Variants in SLC35F4 observed in about 807,000 individuals in gnomAD.
SLC35F4 encodes the protein solute carrier family 35 member F4.
Under a neutral mutation model 44.2 loss-of-function variants are expected in SLC35F4, and 24 were observed. The observed-to-expected ratio is 0.54, with a 90% CI of 0.39 to 0.76. The LOEUF is 0.76. Ranked by LOEUF, SLC35F4 falls within the 30% of genes least tolerant of loss-of-function variation. The pLI is 0.00. For synonymous variants in SLC35F4, 238 were observed against 223.6 expected (o/e 1.06, Z -0.57); for missense variants, 562 against 586.1 (o/e 0.96, Z 0.42).
chr14:57,956,431 T>C (rs1223118157), intron 1 of SLC35F4, among the ~76,000 whole-genome samples: 2 of 152,064 alleles, frequency 1.3e-5, no homozygotes, highest in East Asian at 1.9e-4. Flanking sequence ...AAAGCCAAAA[T>C]TGACAAATGG....
intron 1 of SLC35F4, among the ~76,000 whole-genome samples, chr14:57,682,411 G>C (rs1326843276): frequency 6.6e-6 from 1 of 152,078 alleles, no homozygotes; most frequent in African/African-American, 2.4e-5. Context: ...ACCAAACACT[G>C]CATGTTCTCA....
At chr14:57,687,230 GC>G (rs1275054427) in intron 1 of SLC35F4, among the ~76,000 whole-genome samples, 1 of 152,106 alleles carries the variant, frequency 6.6e-6, no homozygotes, top group Admixed American at 6.6e-5. Context: ...GAAGACTAAG[GC>G]AAGGTTTCAC....
chr14:57,797,696 T>TA (rs1289012441), intron 1 of SLC35F4, among the ~76,000 whole-genome samples: 20 of 152,232 alleles, frequency 1.3e-4, no homozygotes, highest in Middle Eastern at 3.4e-3. Flanking sequence ...AGATGTCTTA[T>TA]AAAAATGGAA....
At chr14:57,722,646 A>C (rs916127611) in intron 1 of SLC35F4, among the ~76,000 whole-genome samples, 4 of 152,214 alleles carry the variant, frequency 2.6e-5, no homozygotes, top group Non-Finnish European at 4.4e-5. Flanking sequence ...CATAGCTACC[A>C]TAATGGACAG....
intron 1 of SLC35F4, among the ~76,000 whole-genome samples, chr14:57,914,564 T>TA (rs1337798921): frequency 3.2e-4 from 46 of 145,940 alleles, no homozygotes; most frequent in African/African-American, 1.2e-3. Flanking sequence ...CTCCGCCTCA[T>TA]AAAAAGAAAA....
intron 1 of SLC35F4, among the ~76,000 whole-genome samples, chr14:57,907,554 T>C (rs1360691028): frequency 1.3e-5 from 2 of 152,176 alleles, no homozygotes; most frequent in African/African-American, 4.8e-5. Flanking sequence ...GGTTAAAATG[T>C]GGTTCCCATC....
intron 1 of SLC35F4, among the ~76,000 whole-genome samples, chr14:57,857,013 C>T (rs565981155): frequency 8.5e-5 from 13 of 152,106 alleles, no homozygotes; most frequent in African/African-American, 1.9e-4. Context: ...CGGTGGCTCA[C>T]GCCTGTAATC....
intron 1 of SLC35F4, among the ~76,000 whole-genome samples, chr14:57,735,997 A>G (rs1334683716): frequency 6.6e-6 from 1 of 152,144 alleles, no homozygotes; most frequent in Non-Finnish European, 1.5e-5. Flanking sequence ...TTACAGGCAC[A>G]AGTCACTGTT....
intron 1 of SLC35F4, among the ~76,000 whole-genome samples, chr14:57,771,517 A>G (rs1415401089): frequency 6.6e-6 from 1 of 152,244 alleles, no homozygotes; most frequent in Non-Finnish European, 1.5e-5. Flanking sequence ...TACACATAGA[A>G]TCTGCTACAA....
chr14:57,904,159 G>A (rs1261592974), intron 1 of SLC35F4, among the ~76,000 whole-genome samples: 1 of 152,148 alleles, frequency 6.6e-6, no homozygotes, highest in Non-Finnish European at 1.5e-5. Context: ...TTTAAGCCTG[G>A]TCTGCACAAG....
At chr14:57,782,802 C>T (rs2077657073) in intron 1 of SLC35F4, among the ~76,000 whole-genome samples, 1 of 152,180 alleles carries the variant, frequency 6.6e-6, no homozygotes, top group African/African-American at 2.4e-5. Flanking sequence ...CTTTGAATAA[C>T]ACCATTAGAA....
intron 1 of SLC35F4, among the ~76,000 whole-genome samples, chr14:57,751,646 T>C (rs543724447): frequency 1.3e-5 from 2 of 152,204 alleles, no homozygotes; most frequent in Non-Finnish European, 2.9e-5. Context: ...CTCCTTATAG[T>C]TTGAAGGCAA....
intron 1 of SLC35F4, among the ~76,000 whole-genome samples, chr14:57,926,222 A>C (rs1889565974): frequency 6.6e-6 from 1 of 152,206 alleles, no homozygotes; most frequent in Admixed American, 6.5e-5. Flanking sequence ...AGCCTCTGTC[A>C]CTAACCTTTT....
intron 1 of SLC35F4, among the ~76,000 whole-genome samples, chr14:57,917,196 G>C (rs1180257021): frequency 2.0e-5 from 3 of 152,036 alleles, no homozygotes; most frequent in Non-Finnish European, 4.4e-5. Context: ...GAGTAGCTGG[G>C]ATTACAGGTG....
intron 1 of SLC35F4, among the ~76,000 whole-genome samples, chr14:57,727,002 A>G (rs1400478729): frequency 3.3e-5 from 5 of 152,038 alleles, no homozygotes; most frequent in Non-Finnish European, 5.9e-5. Context: ...GCCCTCAAAC[A>G]TCGGACTCCA....
chr14:57,602,559 A>G (rs2070892531), intron 1 of SLC35F4: 1 of 152,160 alleles, frequency 6.6e-6, no homozygotes, highest in African/African-American at 2.4e-5. Context: ...GGTAGAAAGA[A>G]CATTAATAAT....
chr14:57,923,200 C>T (rs1377225786), intron 1 of SLC35F4, among the ~76,000 whole-genome samples: 2 of 152,198 alleles, frequency 1.3e-5, no homozygotes, highest in Non-Finnish European at 2.9e-5. Flanking sequence ...ATCCTTCAAA[C>T]ACTTTCTCAA....
chr14:57,913,611 A>G (rs1889259364), intron 1 of SLC35F4, among the ~76,000 whole-genome samples: 1 of 152,128 alleles, frequency 6.6e-6, no homozygotes, highest in Non-Finnish European at 1.5e-5. Flanking sequence ...CCCTTCCTTT[A>G]ATCATTGTTG....
intron 1 of SLC35F4, among the ~76,000 whole-genome samples, chr14:57,797,401 C>A (rs553848492): frequency 6.6e-6 from 1 of 152,292 alleles, no homozygotes; most frequent in African/African-American, 2.4e-5. Flanking sequence ...GATAGGACAG[C>A]TGGGTCAAAA....
Sources: allele counts gnomAD v4.1 joint callset (sites outside exome capture counted in the v4.1 genomes callset), GRCh38; gene constraint gnomAD v4.1.1; transcripts MANE v1.5; gene names NCBI Gene and HGNC (gene_info 2026-07-23, HGNC 2026-07-21).